Variants in TIMD4 observed in about 807,000 individuals in gnomAD.
TIMD4 encodes the protein T-cell immunoglobulin and mucin domain-containing protein 4.
In TIMD4, 31 loss-of-function variants were observed where a neutral mutation model predicts 41.2. The observed-to-expected ratio is 0.75, with a 90% confidence interval of 0.57 to 1.01. TIMD4 has a LOEUF of 1.01. Ranked by LOEUF, TIMD4 falls within the 50% of genes least tolerant of loss-of-function variation. The pLI is 0.00. For missense variants in TIMD4, 479 were observed against 472.5 expected, an observed-to-expected ratio of 1.01 and a Z score of -0.13; for synonymous variants, 204 against 177.1, an observed-to-expected ratio of 1.15 and a Z score of -1.21.
intron 5 of TIMD4, among the ~76,000 whole-genome samples, chr5:156,938,196 G>C (rs1027786906): frequency 6.6e-6 from 1 of 152,182 alleles, no homozygotes; most frequent in Non-Finnish European, 1.5e-5. Context: ...ACCTAAGGAC[G>C]AGTGCTCACT....
intron 6 of TIMD4, chr5:156,924,616 A>G (rs1402829080): frequency 8.6e-6 from 2 of 233,504 alleles, no homozygotes; most frequent in Admixed American, 1.0e-4. Flanking sequence ...GAGATATTAT[A>G]TGACCAGGGT....
At chr5:156,959,424 C>T (rs998333209) in intron 1 of TIMD4, among the ~76,000 whole-genome samples, 7 of 151,874 alleles carry the variant, frequency 4.6e-5, no homozygotes, top group African/African-American at 9.7e-5. Flanking sequence ...TATTAATACG[C>T]GTAACAAAGG....
intron 1 of TIMD4, among the ~76,000 whole-genome samples, chr5:156,957,182 T>C (rs903278682): frequency 6.6e-6 from 1 of 152,080 alleles, no homozygotes; most frequent in Non-Finnish European, 1.5e-5. Flanking sequence ...GAATTTAGTC[T>C]CTTCACTTTG....
In TIMD4 at chr5:156,949,656, G is replaced by A; in HGVS notation, c.755C>T (p.Ser252Phe). The change falls in exon 4 of 9, where the codon TCC becomes TTC. Residue 252 changes from serine to phenylalanine, a missense_variant. Physicochemically the swap from Ser to Phe is radical, Grantham distance 155. Coordinates refer to ENST00000274532, the MANE Select transcript of TIMD4 (RefSeq NM_138379.3). Reference sequence around the variant, plus strand: ...GAGAGTGAGTGTCTGCACACCTTTGGATGTCAGCAGGACAGTGTCAGCAGA... The same window carrying A: ...GAGAGTGAGTGTCTGCACACCTTTGAATGTCAGCAGGACAGTGTCAGCAGA... The part of the protein sequence containing the change: ...STSADTVLLT[S>F]KESKVWDLPS... The A allele has an allele frequency of 6.2e-7, 1 of 1,611,194 alleles. No homozygotes were observed. The highest frequency in any genetic ancestry group is 8.5e-7 in the Non-Finnish European group (1 of 1,177,462).
In TIMD4 at chr5:156,920,588, G is replaced by C. The variant is rs144605579; in HGVS notation, c.1013-85C>G. On this transcript the variant is annotated intron_variant, in intron 7 of 8. Transcript: ENST00000274532. ...GCTGGGGGAATTCCAGTGCTGCCCC[G>C]CAAAGAGCAGATATGGGCCAAAGGT... The C allele has an allele frequency of 2.4e-4, 345 of 1,420,030 alleles. 1 individual carries two copies. The East Asian group carries it at 7.8e-3, about 32-fold the overall frequency. The allele number at this position is 1,420,030 out of a possible 1,614,324, so 88.0% of individuals were successfully genotyped here. A position where few individuals can be genotyped will look rare whatever the true frequency, so the allele number is the denominator to read the frequency against.
intron 3 of TIMD4, among the ~76,000 whole-genome samples, 155 bp downstream of exon 3, chr5:156,951,357 C>T (rs1759849060): frequency 6.6e-6 from 1 of 151,970 alleles, no homozygotes. Context: ...GTTTAAGCTA[C>T]CCAGTCTGCG....
intron 1 of TIMD4, among the ~76,000 whole-genome samples, chr5:156,959,216 A>C (rs927314668): frequency 1.2e-4 from 18 of 152,198 alleles, no homozygotes; most frequent in Admixed American, 3.9e-4. Flanking sequence ...GCAGGTGCTG[A>C]GTATGGCAGG....
In TIMD4 at chr5:156,949,714, G is replaced by A. The variant is rs535711848; in HGVS notation, c.697C>T (p.Pro233Ser). Residue 233 changes from proline to serine, a missense_variant, in exon 4 of 9, where the codon CCC (proline) becomes TCC (serine). By Grantham distance (74) the Pro-to-Ser change is moderately conservative (BLOSUM62 -1). Transcript: ENST00000274532. ...TCAACACTACTCCAGGAATCACTGG[G>A]GAGGACAGTTTCTGATTCTGGAAGA... ...ILTAESETVLPSDSWSSVEST... is the reference protein window; with the variant it reads ...ILTAESETVLSSDSWSSVEST... The A allele has an allele frequency of 2.0e-5, 33 of 1,613,026 alleles. No individual in the cohort carries two copies. The highest frequency in any genetic ancestry group is 2.7e-5 in the African/African-American group (2 of 74,912).
chr5:156,936,305 A>G (rs1043232186), intron 5 of TIMD4, among the ~76,000 whole-genome samples: 8 of 152,150 alleles, frequency 5.3e-5, no homozygotes, highest in African/African-American at 1.9e-4. Flanking sequence ...ATTTGACCTA[A>G]AACACTCAGA....
chr5:156,951,451 C>T, intron 3 of TIMD4, 61 bp downstream of exon 3: 2 of 1,589,054 alleles, frequency 1.3e-6, no homozygotes, highest in Non-Finnish European at 8.6e-7. Context: ...GAGCAAGTCA[C>T]TGGGCTGCCT....
chr5:156,941,035 A>G (rs1759641418), intron 5 of TIMD4, among the ~76,000 whole-genome samples: 1 of 151,136 alleles, frequency 6.6e-6, no homozygotes, highest in African/African-American at 2.4e-5. Flanking sequence ...CTGCTCTCTG[A>G]AACATGTGCT....
intron 3 of TIMD4, among the ~76,000 whole-genome samples, chr5:156,950,204 G>A (rs1759827978): frequency 6.6e-6 from 1 of 152,126 alleles, no homozygotes; most frequent in Non-Finnish European, 1.5e-5. Flanking sequence ...GGGCTCAAGG[G>A]ATCCTCCTGC....
chr5:156,928,119 T>A (rs989682306), intron 5 of TIMD4, among the ~76,000 whole-genome samples: 5 of 151,970 alleles, frequency 3.3e-5, no homozygotes, highest in African/African-American at 1.2e-4. Flanking sequence ...TCCTGGCCAA[T>A]ATGCTGAAAC....
chr5:156,959,884 A>G (rs992624216), intron 1 of TIMD4, among the ~76,000 whole-genome samples: 4 of 152,084 alleles, frequency 2.6e-5, no homozygotes, highest in Non-Finnish European at 5.9e-5. Context: ...CTACTAAAAA[A>G]TACAAAAAAT....
intron 7 of TIMD4, among the ~76,000 whole-genome samples, chr5:156,921,501 T>C (rs1759237899): frequency 6.6e-6 from 1 of 150,786 alleles, no homozygotes; most frequent in Admixed American, 6.6e-5. Flanking sequence ...GAACCTGTAG[T>C]CTCAGCTACT....
intron 5 of TIMD4, among the ~76,000 whole-genome samples, chr5:156,947,708 A>G (rs1759770216): frequency 6.6e-6 from 1 of 152,268 alleles, no homozygotes; most frequent in Non-Finnish European, 1.5e-5. Context: ...CATTGTCTAA[A>G]GACATGCACA....
At chr5:156,948,252 C>T (rs1366938938) in intron 5 of TIMD4, among the ~76,000 whole-genome samples, 164 bp downstream of exon 5, 1 of 145,580 alleles carries the variant, frequency 6.9e-6, no homozygotes, top group East Asian at 2.0e-4. Flanking sequence ...TTTGAGAGGC[C>T]AAGGCAGGAG....
At chr5:156,952,590 T>C (rs544053583) in intron 2 of TIMD4, among the ~76,000 whole-genome samples, 45 of 152,322 alleles carry the variant, frequency 3.0e-4, no homozygotes, top group African/African-American at 1.1e-3. Flanking sequence ...TGACTTCTAC[T>C]TCACTCTCAT....
intron 3 of TIMD4, among the ~76,000 whole-genome samples, chr5:156,950,927 C>T (rs560307421): frequency 1.9e-4 from 29 of 151,784 alleles, no homozygotes; most frequent in African/African-American, 6.8e-4. Context: ...GCTGACTTTT[C>T]AAAAACACTA....
Sources: gnomAD v4.1 joint callset for allele counts (sites outside exome capture counted in the v4.1 genomes callset) on GRCh38, gnomAD v4.1.1 for gene constraint, MANE v1.5 for transcripts, NCBI Gene and HGNC (gene_info 2026-07-23, HGNC 2026-07-21) for gene names.